NR4A3: variants seen among roughly 807,000 people sequenced by gnomAD.
NR4A3 encodes the protein chondrosarcoma, extraskeletal myxoid, fused to EWS.
NR4A3 carries 13 observed loss-of-function variants against 55.6 expected under a neutral mutation model. The observed-to-expected ratio is 0.23, with a 90% CI of 0.15 to 0.37. NR4A3 has a LOEUF of 0.37. NR4A3 is among the 10% of genes least tolerant of loss of function. The pLI, the probability that NR4A3 is intolerant of heterozygous loss-of-function variation, is 1.00. For missense variants in NR4A3, 646 were observed against 822.8 expected (o/e 0.79, Z 2.63); for synonymous variants, 342 against 357.9 (o/e 0.96, Z 0.50).
chr9:99,862,116 G>A (rs932513672), intron 7 of NR4A3, among the ~76,000 whole-genome samples: 2 of 151,770 alleles, frequency 1.3e-5, no homozygotes, highest in Non-Finnish European at 2.9e-5. Flanking sequence ...AATTAATTTT[G>A]TAAAAATTAG....
chr9:99,823,740 AC>A (rs1227238812), intron 1 of NR4A3, among the ~76,000 whole-genome samples: 7 of 123,830 alleles, frequency 5.7e-5, no homozygotes, highest in Non-Finnish European at 3.5e-5. Flanking sequence ...TCCGCCCCCC[AC>A]CCCCCGGCAC....
chr9:99,824,160 C>A (rs1208778204), intron 1 of NR4A3, among the ~76,000 whole-genome samples: 1 of 152,192 alleles, frequency 6.6e-6, no homozygotes, highest in African/African-American at 2.4e-5. Flanking sequence ...AGGTAACCGG[C>A]CGCTTGTGGG....
intron 7 of NR4A3, among the ~76,000 whole-genome samples, chr9:99,862,477 G>A (rs1828022855): frequency 6.8e-6 from 1 of 147,272 alleles, no homozygotes; most frequent in Non-Finnish European, 1.5e-5. Context: ...TCGGGGTGGA[G>A]GAAGTGGGGG....
rs780568770 is a variant in NR4A3 at position 99,828,844 on chromosome 9, TCCAGCCTGCTGGGCGAGAGTC to T, written c.812_832del (p.Leu271_Leu277del). 18 of 1,494,536 alleles carry T rather than the reference TCCAGCCTGCTGGGCGAGAGTC, an allele frequency of 1.2e-5. No individual in the cohort carries two copies. Among genetic ancestry groups the T allele is most frequent in the East Asian group, 2.8e-5 (1 of 35,718 alleles). 92.6% of individuals were successfully genotyped at this position (1,494,536 alleles called of 1,614,324 possible). A position where few individuals can be genotyped will look rare whatever the true frequency, so the allele number is the denominator to read the frequency against. On this transcript the variant is annotated inframe_deletion, in exon 3 of 8. Transcript: ENST00000395097. This position sits in a 1 kb window ranked among gnomAD's most constrained non-coding sequence, Gnocchi z 7.7. The stretch of plus-strand genomic sequence containing the variant: ...CGGCCTCACGCCCTCCCCTACCGCG[TCCAGCCTGCTGGGCGAGAGTC>T]CCAGCCTGCCGTCGCCGCCCAGCAG...
At chr9:99,850,880 C>A (rs1827837132) in intron 7 of NR4A3, among the ~76,000 whole-genome samples, 1 of 152,172 alleles carries the variant, frequency 6.6e-6, no homozygotes, top group South Asian at 2.1e-4. Context: ...TCAAGTTAGG[C>A]ATATGCCTTC....
rs1234405046 is a variant in NR4A3, at chr9:99,825,693, G to A, written c.-142G>A. 1 of 158,874 alleles carries A rather than the reference G, an allele frequency of 6.3e-6. No homozygotes were observed. The highest frequency in any genetic ancestry group is 1.4e-5 in the Non-Finnish European group (1 of 71,700). The allele number at this position is 158,874 out of a possible 1,614,324, so 9.8% of individuals were successfully genotyped here. Reference sequence around the variant, plus strand: ...CGGAAGAGGGCAGCCCGGCAAGCCCGGGCCCTGAGCCTGGACCCTTAGCGG... The same window carrying A: ...CGGAAGAGGGCAGCCCGGCAAGCCCAGGCCCTGAGCCTGGACCCTTAGCGG... On this transcript the variant is annotated 5_prime_UTR_variant, in exon 2 of 8. Coordinates refer to ENST00000395097, the MANE Select transcript of NR4A3 (RefSeq NM_006981.4). The surrounding 1 kb of genome is among the most constrained non-coding windows in gnomAD (Gnocchi z 5.0).
At chr9:99,823,746 C>T (rs1365332473) in intron 1 of NR4A3, among the ~76,000 whole-genome samples, 1 of 151,942 alleles carries the variant, frequency 6.6e-6, no homozygotes, top group Non-Finnish European at 1.5e-5. Flanking sequence ...CCCCACCCCC[C>T]GGCACCCATC....
chr9:99,848,411 C>T (rs1240176269), intron 7 of NR4A3, among the ~76,000 whole-genome samples: 1 of 152,124 alleles, frequency 6.6e-6, no homozygotes, highest in Admixed American at 6.5e-5. Flanking sequence ...ATGATGTGAT[C>T]TTGGTTTACT....
Position 99,828,890 on chromosome 9 carries a change from G to A in NR4A3, c.848G>A (p.Arg283Lys). 1 of 1,508,552 alleles carries A rather than the reference G, an allele frequency of 6.6e-7. No homozygotes were observed. Among genetic ancestry groups the A allele is most frequent in the African/African-American group, 1.4e-5 (1 of 70,550 alleles). 93.4% of individuals were successfully genotyped at this position (1,508,552 alleles called of 1,614,324 possible). The change falls in exon 3 of 8, where the codon AGG (arginine) becomes AAG (lysine). Residue 283 changes from arginine (R) to lysine (K), a missense_variant. Arg to Lys is a conservative substitution (Grantham distance 26, BLOSUM62 2). Around this residue, in one of 5 missense-constraint regions of NR4A3, gnomAD observed 426 missense variants for 429.4 expected, o/e 0.99. Transcript: ENST00000395097. This position sits in a 1 kb window ranked among gnomAD's most constrained non-coding sequence, Gnocchi z 7.7. Reference protein sequence around the residue: ...ESPSLPSPPSRSSSSGEGTCA... With the variant: ...ESPSLPSPPSKSSSSGEGTCA... The stretch of plus-strand genomic sequence containing the variant: ...CCCAGCCTGCCGTCGCCGCCCAGCA[G>A]GAGCTCGTCGTCTGGCGAGGGCACG...
In NR4A3 at chr9:99,834,963, C is replaced by T. The variant is rs948607171; in HGVS notation, c.1254+1509C>T. The T allele has an allele frequency of 5.1e-6, 5 of 980,814 alleles. No individual in the cohort carries two copies. The African/African-American group carries it at 8.8e-5, about 17-fold the overall frequency. 60.8% of individuals were successfully genotyped at this position (980,814 alleles called of 1,614,324 possible). On this transcript the variant is annotated intron_variant, in intron 5 of 7. Coordinates refer to ENST00000395097, the MANE Select transcript of NR4A3 (RefSeq NM_006981.4). ...TTAACAGTTTAGGCTTCTTTGGAAT[C>T]ATGCGGGCCTAGATGAAAATCCCAA... is the stretch of plus-strand genomic sequence containing the variant.
At position 99,863,642 on chromosome 9, in the gene NR4A3, A is replaced by C; in HGVS notation, c.1656A>C (p.Pro552=). 6.2e-7 allele frequency: 1 copy of C among 1,613,966 alleles called. No individual in the cohort carries two copies. Among genetic ancestry groups the C allele is most frequent in the Non-Finnish European group, 8.5e-7 (1 of 1,179,934 alleles). Residue 552 remains proline, a synonymous_variant, in exon 8 of 8, where the codon CCA becomes CCC. Coordinates refer to ENST00000395097, the MANE Select transcript of NR4A3 (RefSeq NM_006981.4). ...CAGAAAGACATGGGTTAAAAGAACCAAAGAGAGTCGAAGAGCTATGCAACA... is the reference window on the plus strand; with the variant it reads ...CAGAAAGACATGGGTTAAAAGAACCCAAGAGAGTCGAAGAGCTATGCAACA... The part of the protein sequence containing the change: ...MITERHGLKE[P]KRVEELCNKI...
At chr9:99,845,814 CT>C (rs1290099920) in intron 6 of NR4A3, among the ~76,000 whole-genome samples, 1 of 152,200 alleles carries the variant, frequency 6.6e-6, no homozygotes, top group African/African-American at 2.4e-5. Flanking sequence ...TACTCTGAGA[CT>C]AAATCATTCT....
chr9:99,843,748 G>T (rs1827697988), intron 5 of NR4A3, among the ~76,000 whole-genome samples: 1 of 137,652 alleles, frequency 7.3e-6, no homozygotes, highest in African/African-American at 2.7e-5. Context: ...GGTAGGGCCT[G>T]AGATTGTCAT....
intron 1 of NR4A3, among the ~76,000 whole-genome samples, chr9:99,823,263 T>C (rs1405209): frequency 0.33 from 49,080 of 149,770 alleles, 8,198 homozygotes; most frequent in Middle Eastern, 0.38. Flanking sequence ...TTCTCGGTGG[T>C]GAGACGAGAG....
chr9:99,829,213 G>A (rs1476589138), intron 3 of NR4A3, among the ~76,000 whole-genome samples: 5 of 152,192 alleles, frequency 3.3e-5, no homozygotes, highest in Non-Finnish European at 5.9e-5. Context: ...CCGGGGGTCC[G>A]TGAACCTCCT....
At position 99,866,442 on chromosome 9, in the gene NR4A3, T is replaced by A; in HGVS notation, c.*2575T>A. The A allele has an allele frequency of 4.4e-6, 1 of 226,138 alleles. No homozygotes were observed. Among genetic ancestry groups the A allele is most frequent in the East Asian group, 6.4e-5 (1 of 15,594 alleles). 14.0% of individuals were successfully genotyped at this position (226,138 alleles called of 1,614,324 possible). A position where few individuals can be genotyped will look rare whatever the true frequency, so the allele number is the denominator to read the frequency against. Reference sequence around the variant, plus strand: ...TAGTGGTTGGAAGGAATGAAGAAGCTTTTTTAGTAATAGGTCCAGATATGA... The same window carrying A: ...TAGTGGTTGGAAGGAATGAAGAAGCATTTTTAGTAATAGGTCCAGATATGA... On this transcript the variant is annotated 3_prime_UTR_variant, in exon 8 of 8. Coordinates refer to ENST00000395097, the MANE Select transcript of NR4A3 (RefSeq NM_006981.4).
At chr9:99,824,890 G>T (rs944718924) in intron 1 of NR4A3, among the ~76,000 whole-genome samples, 2 of 152,160 alleles carry the variant, frequency 1.3e-5, no homozygotes, top group Non-Finnish European at 2.9e-5. Flanking sequence ...TAGGCCGCTG[G>T]GTGGCCAGGA....
rs1352614721 is a variant in NR4A3, at chr9:99,864,533, T to A, written c.*666T>A. On this transcript the variant is annotated 3_prime_UTR_variant, in exon 8 of 8. Transcript: ENST00000395097. ...TTTATTAACTCTCCTTTATTCTATA[T>A]GGAAATAAAAAGGAGGCAGTCATGT... 4.4e-6 allele frequency: 1 copy of A among 227,050 alleles called. No individual in the cohort carries two copies. Among genetic ancestry groups the A allele is most frequent in the South Asian group, 1.8e-4 (1 of 5,462 alleles). 14.1% of individuals were successfully genotyped at this position (227,050 alleles called of 1,614,324 possible).
chr9:99,827,272 GTGTGTGTGTGTGTGTGTGTA>G (rs1564029302), intron 2 of NR4A3, among the ~76,000 whole-genome samples: 1 of 131,004 alleles, frequency 7.6e-6, no homozygotes, highest in African/African-American at 2.8e-5. Flanking sequence ...GTGTGTGTGT[GTGTGTGTGTGTGTGTGTGTA>G]TATATATATA....
Sources: gnomAD v4.1 joint callset for allele counts (sites outside exome capture counted in the v4.1 genomes callset) on GRCh38, gnomAD v4.1.1 for gene constraint, gnomAD v4.1.1 regional missense constraint, Gnocchi (gnomAD v3.1) non-coding constraint, MANE v1.5 for transcripts, NCBI Gene and HGNC (gene_info 2026-07-23, HGNC 2026-07-21) for gene names.